The following GALNT17 variants were observed in gnomAD, a reference collection of about 807,000 sequenced individuals.
The protein encoded by GALNT17 is polypeptide N-acetylgalactosaminyltransferase 17.
Under a neutral mutation model 63.7 loss-of-function variants are expected in GALNT17, and 29 were observed. That is an observed-to-expected ratio of 0.46 (90% CI 0.34 to 0.62). The LOEUF is 0.62. Ranked by LOEUF, GALNT17 falls within the 20% of genes least tolerant of loss-of-function variation. GALNT17 has a pLI of 0.01. For missense variants in GALNT17, 603 were observed against 799.6 expected (o/e 0.75, Z 2.97); for synonymous variants, 305 against 318.3 (o/e 0.96, Z 0.45).
At chr7:71,623,742 G>T (rs957694378) in intron 6 of GALNT17, among the ~76,000 whole-genome samples, 1 of 152,136 alleles carries the variant, frequency 6.6e-6, no homozygotes, top group South Asian at 2.1e-4. Context: ...GGCCTCAGTG[G>T]TAGTTTTGTT....
chr7:71,142,023 T>TGTGC (rs1787905965), intron 1 of GALNT17, among the ~76,000 whole-genome samples: 1 of 140,744 alleles, frequency 7.1e-6, no homozygotes, highest in South Asian at 2.5e-4. Flanking sequence ...TGTGTGTGTG[T>TGTGC]GTGTGTGTGT....
intron 5 of GALNT17, among the ~76,000 whole-genome samples, chr7:71,478,592 A>AGGGGTGAGCCACCG (rs1787762655): frequency 1.3e-5 from 2 of 152,108 alleles, no homozygotes; most frequent in Admixed American, 1.3e-4. Context: ...CTGGGTTATC[A>AGGGGTGAGCCACCG]GGGGTGAGCC....
At chr7:71,520,923 G>A (rs1000837439) in intron 5 of GALNT17, among the ~76,000 whole-genome samples, 1 of 152,146 alleles carries the variant, frequency 6.6e-6, no homozygotes, top group African/African-American at 2.4e-5. Flanking sequence ...GGCAAATGAT[G>A]TCACTCCCTT....
chr7:71,415,023 A>G (rs1793499826), intron 3 of GALNT17, among the ~76,000 whole-genome samples: 1 of 152,070 alleles, frequency 6.6e-6, no homozygotes, highest in South Asian at 2.1e-4. Flanking sequence ...TTATTCTTAA[A>G]ATTAGACACC....
chr7:71,310,025 A>G (rs891420224), intron 1 of GALNT17, among the ~76,000 whole-genome samples: 1 of 152,004 alleles, frequency 6.6e-6, no homozygotes, highest in Non-Finnish European at 1.5e-5. Flanking sequence ...TATAAGGGGG[A>G]GTTTCCCTGC....
intron 1 of GALNT17, among the ~76,000 whole-genome samples, chr7:71,164,079 C>T: frequency 6.6e-6 from 1 of 152,166 alleles, no homozygotes; most frequent in East Asian, 1.9e-4. Context: ...TCTGATCCAA[C>T]CTTGGGAGAC....
At chr7:71,393,368 C>T (rs1421336897) in intron 3 of GALNT17, among the ~76,000 whole-genome samples, 11 of 152,002 alleles carry the variant, frequency 7.2e-5, no homozygotes, top group South Asian at 6.3e-4. Context: ...TTGGAAAATT[C>T]GAATGTATCA....
chr7:71,460,143 C>T (rs143502386), intron 5 of GALNT17, among the ~76,000 whole-genome samples: 217 of 152,092 alleles, frequency 1.4e-3, no homozygotes, highest in African/African-American at 4.9e-3. Flanking sequence ...GGCTGTGTCA[C>T]GGGCCATGGT....
chr7:71,646,991 C>G (rs1386352759), intron 6 of GALNT17, among the ~76,000 whole-genome samples: 1 of 151,894 alleles, frequency 6.6e-6, no homozygotes, highest in Non-Finnish European at 1.5e-5. Context: ...CATGATCCAC[C>G]CACCTCAGCC....
At position 71,404,789 on chromosome 7, in the gene GALNT17, C is replaced by T. The variant is rs531351857; in HGVS notation, c.590-11100C>T. 8.5e-5 allele frequency among the ~76,000 whole-genome samples: 13 copies of T among 152,334 alleles called. No individual in the cohort carries two copies. In the East Asian group the frequency reaches 2.3e-3, roughly 27 times the overall value. ...GCCCAAAAGATTCCCTGGATGCCCA[C>T]TCTTTTGAAACCTCTTAATCAGCCC... On this transcript the variant is annotated intron_variant, in intron 3 of 10. Transcript: ENST00000333538.
At chr7:71,445,265 A>G (rs1583959818) in intron 5 of GALNT17, among the ~76,000 whole-genome samples, 3 of 136,656 alleles carry the variant, frequency 2.2e-5, no homozygotes, top group Admixed American at 1.6e-4. Flanking sequence ...TGCAACCTCC[A>G]CCTCCCAGGT....
chr7:71,540,097 T>TTTTTA, intron 5 of GALNT17, among the ~76,000 whole-genome samples: 1 of 36,588 alleles, frequency 2.7e-5, no homozygotes. Flanking sequence ...CCTGGCCTTT[T>TTTTTA]TTTTTTTTTT....
intron 2 of GALNT17, 102 bp downstream of exon 2, chr7:71,335,835 G>A (rs76518446): frequency 0.018 from 19,977 of 1,081,826 alleles, 237 homozygotes; most frequent in Non-Finnish European, 0.021. Context: ...AACTCTTGGG[G>A]GAGTTTTTAT....
chr7:71,592,563 C>CTAAAATAAAA (rs71089963), intron 6 of GALNT17, among the ~76,000 whole-genome samples: 4,707 of 66,318 alleles, frequency 0.071, 316 homozygotes, highest in African/African-American at 0.084. Context: ...GCATAGCATA[C>CTAAAATAAAA]TAAAATAAAA....
intron 1 of GALNT17, among the ~76,000 whole-genome samples, chr7:71,141,551 G>A (rs1043242677): frequency 6.6e-6 from 1 of 152,064 alleles, no homozygotes; most frequent in African/African-American, 2.4e-5. Flanking sequence ...ACACACGGCA[G>A]TTGTAAGAAT....
intron 2 of GALNT17, among the ~76,000 whole-genome samples, chr7:71,368,039 A>G (rs752343736): frequency 1.2e-4 from 19 of 152,170 alleles, no homozygotes; most frequent in Non-Finnish European, 4.4e-5. Flanking sequence ...GCTTGGGGCC[A>G]AAAGGCAGTG....
At chr7:71,261,892 G>A (rs766295928) in intron 1 of GALNT17, among the ~76,000 whole-genome samples, 35 of 152,168 alleles carry the variant, frequency 2.3e-4, no homozygotes, top group Non-Finnish European at 4.1e-4. Context: ...AAATGATGGT[G>A]TTTCTACAGC....
chr7:71,133,173 C>A, intron 1 of GALNT17, 133 bp downstream of exon 1: 1 of 732,294 alleles, frequency 1.4e-6, no homozygotes, highest in Admixed American at 3.7e-5. Flanking sequence ...TCCTTCTTAC[C>A]CTTCCTGCCC....
At position 71,712,276 on chromosome 7, in the gene GALNT17, C is replaced by G. The variant is rs369612145; in HGVS notation, c.*130C>G. On this transcript the variant is annotated 3_prime_UTR_variant, in exon 11 of 11. Coordinates refer to ENST00000333538, the MANE Select transcript of GALNT17 (RefSeq NM_022479.3). ...GCTCGATGGGCCCCCCAGGGCTTCT[C>G]CAGGGCAGCACAGGGACCCCGGATG... is the stretch of plus-strand genomic sequence containing the variant. The G allele has an allele frequency of 2.8e-5, 37 of 1,338,082 alleles. No homozygotes were observed. The East Asian group carries it at 3.3e-4, about 12-fold the overall frequency. 82.9% of individuals were successfully genotyped at this position (1,338,082 alleles called of 1,614,324 possible). A position where few individuals can be genotyped will look rare whatever the true frequency, so the allele number is the denominator to read the frequency against.
Sources: gnomAD v4.1 joint callset for allele counts (sites outside exome capture counted in the v4.1 genomes callset) on GRCh38, gnomAD v4.1.1 for gene constraint, MANE v1.5 for transcripts, NCBI Gene and HGNC (gene_info 2026-07-23, HGNC 2026-07-21) for gene names.